SLC2A1: variants seen among roughly 807,000 people sequenced by gnomAD.
The protein encoded by SLC2A1 is solute carrier family 2 member 1.
Under a neutral mutation model 46.6 loss-of-function variants are expected in SLC2A1, and 4 were observed. That is an observed-to-expected ratio of 0.09 (90% CI 0.04 to 0.20). The LOEUF (loss-of-function observed/expected upper bound fraction) is 0.20. SLC2A1 is among the 10% of genes least tolerant of loss of function. The pLI is 1.00. For missense variants in SLC2A1, 352 were observed against 667.0 expected, an observed-to-expected ratio of 0.53 and a Z score of 5.20; for synonymous variants, 253 against 270.0, an observed-to-expected ratio of 0.94 and a Z score of 0.62.
intron 1 of SLC2A1, among the ~76,000 whole-genome samples, chr1:42,949,268 C>G (rs1240775982): frequency 1.3e-5 from 2 of 152,206 alleles, no homozygotes; most frequent in East Asian, 1.9e-4. Context: ...AATAAGACAG[C>G]TTTGGCTGCA....
rs752757622 is a variant in SLC2A1, at chr1:42,927,161, A to C, written c.1359T>G (p.Pro453=). The part of the protein sequence containing the change: ...LFFIFTYFKV[P]ETKGRTFDEI... ...CATCGAAGGTCCGGCCTTTAGTCTC[A>C]GGAACTTTGAAGTAGGTGAAGATGA... The change falls in exon 10 of 10, where the codon CCT becomes CCG. Residue 453 remains proline, a synonymous_variant. Coordinates refer to ENST00000426263, the MANE Select transcript of SLC2A1 (RefSeq NM_006516.4). This position sits in a 1 kb window ranked among gnomAD's most constrained non-coding sequence, Gnocchi z 5.3. 1.2e-6 allele frequency: 2 copies of C among 1,614,180 alleles called. No individual in the cohort carries two copies. Among genetic ancestry groups the C allele is most frequent in the South Asian group, 2.2e-5 (2 of 91,084 alleles).
intron 2 of SLC2A1, among the ~76,000 whole-genome samples, chr1:42,937,552 C>T (rs909901907): frequency 6.6e-6 from 1 of 152,338 alleles, no homozygotes; most frequent in Middle Eastern, 3.4e-3. Flanking sequence ...TAGGGCCAGA[C>T]TCCCCGGAGT....
At position 42,929,765 on chromosome 1, in the gene SLC2A1, C is replaced by T. The variant is rs139412383; in HGVS notation, c.695G>A (p.Arg232His). Residue 232 changes from arginine to histidine, a missense_variant, in exon 6 of 10, where the codon CGC becomes CAC. By Grantham distance (29) the Arg-to-His change is conservative. Around this residue, in one of 5 missense-constraint regions of SLC2A1, gnomAD observed 167 missense variants for 280.8 expected, o/e 0.59. Coordinates refer to ENST00000426263, the MANE Select transcript of SLC2A1 (RefSeq NM_006516.4). This position sits in a 1 kb window ranked among gnomAD's most constrained non-coding sequence, Gnocchi z 6.0. ...GTCATGGGTCACGTCAGCTGTCCCG[C>T]GCAGCTTCTTTAGCACTGGGGGGAC... is the stretch of plus-strand genomic sequence containing the variant. Reference protein sequence around the residue: ...NRAKSVLKKLRGTADVTHDLQ... With the variant: ...NRAKSVLKKLHGTADVTHDLQ... 1.9e-6 allele frequency: 3 copies of T among 1,613,986 alleles called. No individual in the cohort carries two copies. The highest frequency in any genetic ancestry group is 1.3e-5 in the African/African-American group (1 of 74,886).
chr1:42,948,871 T>G (rs1026005428), intron 1 of SLC2A1, among the ~76,000 whole-genome samples: 1 of 152,020 alleles, frequency 6.6e-6, no homozygotes, highest in Non-Finnish European at 1.5e-5. Flanking sequence ...GAGACCATCC[T>G]GGCTAACACG....
At chr1:42,935,029 G>A (rs1643528264) in intron 2 of SLC2A1, among the ~76,000 whole-genome samples, 1 of 152,128 alleles carries the variant, frequency 6.6e-6, no homozygotes, top group African/African-American at 2.4e-5. Context: ...CCGCTTCTCT[G>A]CTCCCTTCCC....
chr1:42,945,545 C>A (rs863522), intron 1 of SLC2A1, among the ~76,000 whole-genome samples: 74,658 of 151,620 alleles, frequency 0.49, 21,832 homozygotes, highest in African/African-American at 0.82. Context: ...GCCAGGAGTT[C>A]GAGACCAGCC....
chr1:42,927,570 G>T lies in SLC2A1; in HGVS notation c.1278+35C>A. The T allele has an allele frequency of 1.3e-6, 2 of 1,557,922 alleles. No homozygotes were observed. The highest frequency in any genetic ancestry group is 1.7e-6 in the Non-Finnish European group (2 of 1,153,134). On this transcript the variant is annotated intron_variant, in intron 9 of 9. Transcript: ENST00000426263. The surrounding 1 kb of genome is among the most constrained non-coding windows in gnomAD (Gnocchi z 5.3). The stretch of plus-strand genomic sequence containing the variant: ...TTTGCACAGCACTGTGGGGTCATGC[G>T]TGCGGGTGAGTATAGAGACAGTGGG...
intron 2 of SLC2A1, among the ~76,000 whole-genome samples, chr1:42,935,762 G>C (rs1337086328): frequency 6.6e-6 from 1 of 152,166 alleles, no homozygotes; most frequent in African/African-American, 2.4e-5. Flanking sequence ...GGAAGGAAGA[G>C]CTTTATAGAC....
chr1:42,943,145 T>A, intron 2 of SLC2A1, 81 bp downstream of exon 2: 1 of 909,524 alleles, frequency 1.1e-6, no homozygotes. Context: ...CTAATTCAGG[T>A]GGTGGCGTGA....
At chr1:42,941,396 C>T (rs979667007) in intron 2 of SLC2A1, among the ~76,000 whole-genome samples, 4 of 152,172 alleles carry the variant, frequency 2.6e-5, no homozygotes, top group African/African-American at 2.4e-5. Flanking sequence ...ACTCTAGTGA[C>T]ACACTAAACT....
Position 42,958,783 on chromosome 1 carries a change from C to A in SLC2A1, c.-132G>T. 2 of 951,766 alleles carry A rather than the reference C, an allele frequency of 2.1e-6. No homozygotes were observed. Among genetic ancestry groups the A allele is most frequent in the Non-Finnish European group, 3.1e-6 (2 of 636,042 alleles). The allele number at this position is 951,766 out of a possible 1,614,324, so 59.0% of individuals were successfully genotyped here. A position where few individuals can be genotyped will look rare whatever the true frequency, so the allele number is the denominator to read the frequency against. ...CTGCGACTCTGACTCCGACCCCCGT[C>A]GTTTGGTCTCCTGCTCCCTGGCGTG... On this transcript the variant is annotated 5_prime_UTR_variant, in exon 1 of 10. Transcript: ENST00000426263.
In SLC2A1 at chr1:42,958,707, TGCGA is replaced by T; in HGVS notation, c.-60_-57del. The stretch of plus-strand genomic sequence containing the variant: ...CCGGGTACGCGGGTGGCGACGGGCG[TGCGA>T]GCGGCGCTCTCCCGCTCAGGCTCGT... On this transcript the variant is annotated 5_prime_UTR_variant, in exon 1 of 10. Transcript: ENST00000426263. 1 of 1,522,540 alleles carries T rather than the reference TGCGA, an allele frequency of 6.6e-7. No individual in the cohort carries two copies. The highest frequency in any genetic ancestry group is 8.8e-7 in the Non-Finnish European group (1 of 1,135,618). 94.3% of individuals were successfully genotyped at this position (1,522,540 alleles called of 1,614,324 possible).
rs553897487 is a variant in SLC2A1 at position 42,926,312 on chromosome 1, G to A, written c.*729C>T. On this transcript the variant is annotated 3_prime_UTR_variant, in exon 10 of 10. Transcript: ENST00000426263. ...AAATATCTTGCATCTATACACAACA[G>A]GGCAGGAGTCTCCATGTCTTCTTGA... is the stretch of plus-strand genomic sequence containing the variant. The A allele has an allele frequency of 6.3e-6, 1 of 159,724 alleles. No individual in the cohort carries two copies. The highest frequency in any genetic ancestry group is 2.4e-5 in the African/African-American group (1 of 41,718). The allele number at this position is 159,724 out of a possible 1,614,324, so 9.9% of individuals were successfully genotyped here.
intron 1 of SLC2A1, chr1:42,952,484 A>G (rs1219732792): frequency 2.0e-5 from 9 of 442,340 alleles, no homozygotes; most frequent in South Asian, 4.8e-5. Flanking sequence ...CCGCTGGGAC[A>G]CTGGACTTCA....
At position 42,926,633 on chromosome 1, in the gene SLC2A1, A is replaced by G; in HGVS notation, c.*408T>C. The G allele has an allele frequency of 8.7e-7, 1 of 1,145,516 alleles. No homozygotes were observed. Among genetic ancestry groups the G allele is most frequent in the Non-Finnish European group, 1.2e-6 (1 of 865,404 alleles). 71.0% of individuals were successfully genotyped at this position (1,145,516 alleles called of 1,614,324 possible). A position where few individuals can be genotyped will look rare whatever the true frequency, so the allele number is the denominator to read the frequency against. ...AAGCTTTGTAGTTCATAGTTCGATT[A>G]GTGTGTCCTTAGGACATAGGTCCAG... is the stretch of plus-strand genomic sequence containing the variant. On this transcript the variant is annotated 3_prime_UTR_variant, in exon 10 of 10. Transcript: ENST00000426263.
At chr1:42,943,482 G>A (rs990191744) in intron 1 of SLC2A1, among the ~76,000 whole-genome samples, 161 bp from the exon 2 acceptor site, 9 of 152,198 alleles carry the variant, frequency 5.9e-5, no homozygotes, top group Non-Finnish European at 1.3e-4. Flanking sequence ...GACCTTAGGT[G>A]CCCAAACCAG....
intron 2 of SLC2A1, among the ~76,000 whole-genome samples, chr1:42,932,315 C>T (rs534065867): frequency 1.3e-5 from 2 of 151,852 alleles, no homozygotes; most frequent in South Asian, 4.2e-4. Flanking sequence ...GCAGGCAGCA[C>T]CCGTTCTGCC....
At chr1:42,951,620 CTCTT>C (rs1265796364) in intron 1 of SLC2A1, 1 of 386,626 alleles carries the variant, frequency 2.6e-6, no homozygotes, top group Non-Finnish European at 4.6e-6. Context: ...CTAGAAGACA[CTCTT>C]TCATTTATTA....
In SLC2A1 at chr1:42,929,333, T is replaced by C. The variant is rs756404729; in HGVS notation, c.868-19A>G. On this transcript the variant is annotated intron_variant, in intron 6 of 9. Transcript: ENST00000426263. The surrounding 1 kb of genome is among the most constrained non-coding windows in gnomAD (Gnocchi z 6.0). Reference sequence around the variant, plus strand: ...AGAAGACCTGCCAGACAAGAGAAACTGTTGGGGCCTACCTGGACATTGTGG... The same window carrying C: ...AGAAGACCTGCCAGACAAGAGAAACCGTTGGGGCCTACCTGGACATTGTGG... The C allele has an allele frequency of 1.3e-6, 2 of 1,584,580 alleles. No homozygotes were observed. Among genetic ancestry groups the C allele is most frequent in the Non-Finnish European group, 1.7e-6 (2 of 1,160,580 alleles).
Sources: allele counts gnomAD v4.1 joint callset (sites outside exome capture counted in the v4.1 genomes callset), GRCh38; gene constraint gnomAD v4.1.1; regional missense constraint gnomAD v4.1.1; non-coding constraint Gnocchi (gnomAD v3.1); transcripts MANE v1.5; gene names NCBI Gene and HGNC (gene_info 2026-07-23, HGNC 2026-07-21).